Variants in PDZRN3 observed in about 807,000 individuals in gnomAD.
PDZRN3 encodes the protein E3 ubiquitin-protein ligase PDZRN3.
A neutral mutation model predicts 85.7 loss-of-function variants in PDZRN3; 38 were observed. The ratio of observed to expected loss-of-function variants is 0.44; its 90% CI spans 0.34 to 0.58. PDZRN3 has a LOEUF of 0.58. Among genes scored for constraint, PDZRN3 ranks in the 20% least tolerant of loss-of-function variants. PDZRN3 has a pLI of 0.01. For missense variants in PDZRN3, 1,629 were observed against 1,506.4 expected (o/e 1.08, Z -1.35); for synonymous variants, 759 against 638.0 (o/e 1.19, Z -2.86).
intron 3 of PDZRN3, among the ~76,000 whole-genome samples, chr3:73,550,522 G>T (rs1248357833): frequency 6.6e-6 from 1 of 152,222 alleles, no homozygotes; most frequent in Non-Finnish European, 1.5e-5. Flanking sequence ...TGATTTGACT[G>T]CAAAGGCAAA....
At chr3:73,541,962 AT>A (rs1220122302) in intron 3 of PDZRN3, among the ~76,000 whole-genome samples, 7 of 152,286 alleles carry the variant, frequency 4.6e-5, no homozygotes, top group African/African-American at 1.4e-4. Flanking sequence ...TTGAGTAATA[AT>A]TTTCAAAAGA....
chr3:73,565,692 C>T (rs939199473), intron 3 of PDZRN3, among the ~76,000 whole-genome samples: 4 of 151,944 alleles, frequency 2.6e-5, no homozygotes, highest in African/African-American at 9.7e-5. Flanking sequence ...AATCCCAGCA[C>T]TTTGGGAGAC....
At chr3:73,515,483 C>A (rs559150932) in intron 3 of PDZRN3, among the ~76,000 whole-genome samples, 1 of 152,266 alleles carries the variant, frequency 6.6e-6, no homozygotes, top group African/African-American at 2.4e-5. Context: ...GCCCAATCAG[C>A]CCTTCTTAAA....
intron 3 of PDZRN3, among the ~76,000 whole-genome samples, chr3:73,486,258 C>T (rs2106646358): frequency 6.6e-6 from 1 of 152,254 alleles, no homozygotes; most frequent in East Asian, 1.9e-4. Context: ...TGGGCAATAA[C>T]TCCAAGTTCT....
At chr3:73,394,287 T>C (rs1701590944) in intron 5 of PDZRN3, among the ~76,000 whole-genome samples, 1 of 152,170 alleles carries the variant, frequency 6.6e-6, no homozygotes, top group Non-Finnish European at 1.5e-5. Flanking sequence ...AGGGTCCAAT[T>C]AATAGTTCTG....
intron 3 of PDZRN3, among the ~76,000 whole-genome samples, chr3:73,535,458 T>C (rs986448081): frequency 4.6e-5 from 7 of 152,206 alleles, no homozygotes; most frequent in Non-Finnish European, 1.0e-4. Context: ...GTGATACAAA[T>C]GCCCAGTAAC....
intron 3 of PDZRN3, among the ~76,000 whole-genome samples, chr3:73,452,003 C>T (rs111295170): frequency 2.6e-5 from 4 of 152,110 alleles, no homozygotes; most frequent in Admixed American, 6.5e-5. Flanking sequence ...CAAACAGAAT[C>T]GAATCTTTAC....
At chr3:73,435,526 G>A (rs1702515237) in intron 3 of PDZRN3, among the ~76,000 whole-genome samples, 2 of 152,162 alleles carry the variant, frequency 1.3e-5, no homozygotes, top group African/African-American at 4.8e-5. Flanking sequence ...TTGTTGCAAT[G>A]ATTTGAGAAA....
intron 3 of PDZRN3, among the ~76,000 whole-genome samples, chr3:73,477,477 T>C (rs577388725): frequency 1.3e-5 from 2 of 152,306 alleles, no homozygotes; most frequent in Non-Finnish European, 1.5e-5. Context: ...GGATTAACCA[T>C]AGTCTTGGAT....
intron 3 of PDZRN3, among the ~76,000 whole-genome samples, chr3:73,457,544 T>C (rs554098752): frequency 6.6e-6 from 1 of 152,300 alleles, no homozygotes; most frequent in African/African-American, 2.4e-5. Context: ...CTGTTCCATG[T>C]GCCCCCTGGA....
chr3:73,466,189 T>C (rs1240967157), intron 3 of PDZRN3, among the ~76,000 whole-genome samples: 2 of 152,164 alleles, frequency 1.3e-5, no homozygotes, highest in Non-Finnish European at 2.9e-5. Context: ...GGTAACTCTC[T>C]AGTGAAGAAA....
intron 3 of PDZRN3, chr3:73,474,345 C>G (rs6549544): frequency 2.0e-6 from 1 of 506,484 alleles, no homozygotes; most frequent in Non-Finnish European, 3.1e-6. Context: ...TTTACTTTAC[C>G]TATGCAGTAT....
chr3:73,402,960 T>TTTTTTTTTTTTTTTTG lies in PDZRN3; in HGVS notation c.1166+1187_1166+1188insCAAAAAAAAAAAAAAA, dbSNP rs1429244382. ...GAAAAGCTTTTTTTTTTTTTTTTTT[T>TTTTTTTTTTTTTTTTG]TGAGACGGAGTCTCGCTCTGTTGCC... On this transcript the variant is annotated intron_variant, in intron 4 of 9. Transcript: ENST00000263666. Among the ~76,000 whole-genome samples the TTTTTTTTTTTTTTTTG allele has an allele frequency of 6.0e-4, 59 of 98,978 alleles. 3 individuals carry two copies. Among genetic ancestry groups the TTTTTTTTTTTTTTTTG allele is most frequent in the African/African-American group, 1.9e-3 (51 of 27,206 alleles). 64.9% of individuals were successfully genotyped at this position (98,978 alleles called of 152,430 possible).
chr3:73,562,821 C>T (rs549924453), intron 3 of PDZRN3, among the ~76,000 whole-genome samples: 2 of 151,392 alleles, frequency 1.3e-5, no homozygotes, highest in South Asian at 4.2e-4. Flanking sequence ...GAAATGATTC[C>T]AAGATGCACT....
chr3:73,430,518 TC>T (rs1488782035), intron 3 of PDZRN3, among the ~76,000 whole-genome samples: 1 of 152,176 alleles, frequency 6.6e-6, no homozygotes, highest in Non-Finnish European at 1.5e-5. Flanking sequence ...GGCACTCTGT[TC>T]CCCTCTTCCT....
At chr3:73,498,524 A>G (rs1181154812) in intron 3 of PDZRN3, among the ~76,000 whole-genome samples, 1 of 152,126 alleles carries the variant, frequency 6.6e-6, no homozygotes, top group Non-Finnish European at 1.5e-5. Flanking sequence ...CCTATAACCT[A>G]ACGCTACCTT....
chr3:73,576,458 A>C (rs1487628273), intron 3 of PDZRN3, among the ~76,000 whole-genome samples: 1 of 152,198 alleles, frequency 6.6e-6, no homozygotes, highest in Middle Eastern at 3.2e-3. Context: ...GAAGAATGCC[A>C]TAGCCTGACT....
chr3:73,431,397 G>A (rs574706801), intron 3 of PDZRN3, among the ~76,000 whole-genome samples: 1 of 152,316 alleles, frequency 6.6e-6, no homozygotes, highest in East Asian at 1.9e-4. Flanking sequence ...GATGAGGAAA[G>A]GATAAAGTCT....
Position 73,504,015 on chromosome 3 carries a change from A to T in PDZRN3, c.918+98339T>A, listed in dbSNP as rs557087280. ...TGTAGAGAATAGAGTTGAACACAGT[A>T]TCCCGAAGTCACAGGGCATGTGCTA... On this transcript the variant is annotated intron_variant, in intron 3 of 9. Coordinates refer to ENST00000263666, the MANE Select transcript of PDZRN3 (RefSeq NM_015009.3). 2.6e-5 allele frequency among the ~76,000 whole-genome samples: 4 copies of T among 152,316 alleles called. No individual in the cohort carries two copies. The East Asian group carries it at 7.7e-4, about 29-fold the overall frequency.
Sources: allele counts gnomAD v4.1 joint callset (sites outside exome capture counted in the v4.1 genomes callset), GRCh38; gene constraint gnomAD v4.1.1; transcripts MANE v1.5; gene names NCBI Gene and HGNC (gene_info 2026-07-23, HGNC 2026-07-21).